The following CSMD1 variants were observed in gnomAD, a reference collection of about 807,000 sequenced individuals.
The protein encoded by CSMD1 is CUB and sushi domain-containing protein 1.
Under a neutral mutation model 417.5 loss-of-function variants are expected in CSMD1, and 213 were observed. That is an observed-to-expected ratio of 0.51 (90% confidence interval 0.46 to 0.57). CSMD1 has a LOEUF of 0.57. CSMD1 is among the 20% of genes least tolerant of loss of function. The probability of loss-of-function intolerance (pLI) is 0.00; values close to 1 mark genes in which losing one functional copy is unlikely to be tolerated. For missense variants in CSMD1, 6,923 were observed against 4,529.7 expected (o/e 1.53, Z -15.17); for synonymous variants, 2,862 against 1,736.8 (o/e 1.65, Z -16.11).
intron 2 of CSMD1, among the ~76,000 whole-genome samples, chr8:4,627,951 T>C (rs540917118): frequency 3.6e-4 from 55 of 152,096 alleles, no homozygotes; most frequent in African/African-American, 1.2e-3. Context: ...CTCTAGATTA[T>C]ACCTGTCAGA....
At chr8:4,788,621 C>T (rs1014188285) in intron 1 of CSMD1, 13 of 846,866 alleles carry the variant, frequency 1.5e-5, no homozygotes, top group Non-Finnish European at 2.2e-5. Context: ...AGGGGAAAAA[C>T]TACAAATTTC....
intron 10 of CSMD1, among the ~76,000 whole-genome samples, chr8:3,514,473 C>T (rs570525469): frequency 6.6e-6 from 1 of 152,164 alleles, no homozygotes; most frequent in African/African-American, 2.4e-5. Context: ...CTGAAGAACC[C>T]AGGCTTCAAT....
chr8:3,987,800 T>A (rs75207848), intron 5 of CSMD1, among the ~76,000 whole-genome samples: 2,090 of 152,276 alleles, frequency 0.014, 50 homozygotes, highest in African/African-American at 0.048. Flanking sequence ...TCAAGAAGCA[T>A]AGCCTTATCC....
chr8:4,264,535 T>G (rs1002797327), intron 3 of CSMD1, among the ~76,000 whole-genome samples: 1 of 152,158 alleles, frequency 6.6e-6, no homozygotes, highest in Non-Finnish European at 1.5e-5. Flanking sequence ...GCTCCGTTAC[T>G]TAAAGCCCTG....
chr8:4,564,749 G>C (rs965332267), intron 2 of CSMD1, among the ~76,000 whole-genome samples: 1 of 152,152 alleles, frequency 6.6e-6, no homozygotes, highest in Non-Finnish European at 1.5e-5. Context: ...TGAACATGGA[G>C]CATAATGACT....
intron 1 of CSMD1, among the ~76,000 whole-genome samples, chr8:4,814,279 C>G (rs1226955801): frequency 1.3e-5 from 2 of 152,070 alleles, no homozygotes; most frequent in African/African-American, 4.8e-5. Context: ...GAGATTCGCT[C>G]TTAATGGCCA....
At chr8:3,379,994 T>C (rs1239633507) in intron 18 of CSMD1, among the ~76,000 whole-genome samples, 1 of 152,164 alleles carries the variant, frequency 6.6e-6, no homozygotes, top group Non-Finnish European at 1.5e-5. Flanking sequence ...AATCTATCCA[T>C]CTGACAAAGG....
At chr8:4,954,733 C>A (rs923113340) in intron 1 of CSMD1, among the ~76,000 whole-genome samples, 2 of 152,086 alleles carry the variant, frequency 1.3e-5, no homozygotes, top group Admixed American at 6.6e-5. Flanking sequence ...TATGCAGAGA[C>A]TGGAGGATAA....
chr8:3,830,697 A>C (rs1028009115), intron 5 of CSMD1, among the ~76,000 whole-genome samples: 1 of 152,172 alleles, frequency 6.6e-6, no homozygotes, highest in Non-Finnish European at 1.5e-5. Flanking sequence ...AAAATGCCCC[A>C]ATTCCTCCCA....
intron 5 of CSMD1, among the ~76,000 whole-genome samples, chr8:3,997,341 G>T (rs773839056): frequency 6.6e-6 from 1 of 152,078 alleles, no homozygotes; most frequent in Admixed American, 6.5e-5. Flanking sequence ...CTCTACTGGG[G>T]TACACACCAG....
intron 1 of CSMD1, among the ~76,000 whole-genome samples, chr8:4,683,861 T>C (rs2116726704): frequency 6.6e-6 from 1 of 152,326 alleles, no homozygotes; most frequent in Non-Finnish European, 1.5e-5. Flanking sequence ...AATCTGTTCA[T>C]TTGGATCACT....
chr8:3,091,520 A>G lies in CSMD1; in HGVS notation c.7281T>C (p.Tyr2427=), dbSNP rs754583353. 4.4e-6 allele frequency: 7 copies of G among 1,602,478 alleles called. No homozygotes were observed. The highest frequency in any genetic ancestry group is 1.8e-5 in the Admixed American group (1 of 56,218). The stretch of plus-strand genomic sequence containing the variant: ...ATCTAAACCTCATTTACTTACCTGC[A>G]TAGCGAATCTTGAATCCTTTCTTAC... ...ATSKKGFKIR[Y]AAPYCSLTHP... The change falls in exon 48 of 70, where the codon TAT becomes TAC. Residue 2427 remains tyrosine (Y), a synonymous_variant. Transcript: ENST00000635120.
intron 5 of CSMD1, among the ~76,000 whole-genome samples, chr8:3,884,912 AATAT>A (rs35616416): frequency 4.6e-4 from 67 of 145,722 alleles, no homozygotes; most frequent in African/African-American, 8.3e-4. Context: ...AGGCCTTCTA[AATAT>A]ATATATATAT....
chr8:4,258,223 G>A (rs973475624), intron 3 of CSMD1, among the ~76,000 whole-genome samples: 7 of 148,460 alleles, frequency 4.7e-5, no homozygotes, highest in African/African-American at 1.8e-4. Flanking sequence ...GAGATTAAAG[G>A]CATGAGCCAG....
At chr8:3,410,911 G>A (rs768094079) in intron 12 of CSMD1, among the ~76,000 whole-genome samples, 17 of 152,100 alleles carry the variant, frequency 1.1e-4, no homozygotes, top group Non-Finnish European at 1.5e-4. Context: ...AAGATAGAGG[G>A]GTATAGAGAG....
At chr8:4,243,964 G>A (rs578118493) in intron 3 of CSMD1, among the ~76,000 whole-genome samples, 35 of 152,308 alleles carry the variant, frequency 2.3e-4, no homozygotes, top group African/African-American at 7.5e-4. Context: ...AGTAGCAGGT[G>A]GGAACGGGTT....
At chr8:3,693,725 G>A (rs77270272) in intron 7 of CSMD1, among the ~76,000 whole-genome samples, 3 of 152,068 alleles carry the variant, frequency 2.0e-5, no homozygotes, top group African/African-American at 7.2e-5. Context: ...TGTGTTGTGT[G>A]TGTTATGCTT....
At chr8:4,157,516 G>T (rs762027089) in intron 3 of CSMD1, among the ~76,000 whole-genome samples, 1 of 151,924 alleles carries the variant, frequency 6.6e-6, no homozygotes, top group African/African-American at 2.4e-5. Context: ...CAAAGAACTG[G>T]TTAAAGCAGC....
intron 1 of CSMD1, among the ~76,000 whole-genome samples, chr8:4,903,782 T>A (rs998719326): frequency 5.9e-5 from 9 of 152,198 alleles, no homozygotes; most frequent in Non-Finnish European, 1.5e-5. Flanking sequence ...TGGAGTCTTC[T>A]TAGCAGCAGG....
Sources: gnomAD v4.1 joint callset for allele counts (sites outside exome capture counted in the v4.1 genomes callset) on GRCh38, gnomAD v4.1.1 for gene constraint, MANE v1.5 for transcripts, NCBI Gene and HGNC (gene_info 2026-07-23, HGNC 2026-07-21) for gene names.